Variants in MAD1L1 observed in about 807,000 individuals in gnomAD.
The protein encoded by MAD1L1 is mitotic arrest deficient 1 like 1.
In MAD1L1, 95 loss-of-function variants were observed where a neutral mutation model predicts 96.9. The ratio of observed to expected loss-of-function variants is 0.98; its 90% CI spans 0.83 to 1.16. The LOEUF is 1.16. MAD1L1 is among the 50% of genes most tolerant of loss of function. The probability of loss-of-function intolerance (pLI) is 0.00; values close to 1 mark genes in which losing one functional copy is unlikely to be tolerated. For synonymous variants in MAD1L1, 473 were observed against 396.6 expected (o/e 1.19, Z -2.29); for missense variants, 1,007 against 954.4 (o/e 1.06, Z -0.73).
intron 11 of MAD1L1, among the ~76,000 whole-genome samples, chr7:2,082,586 T>A (rs1785708718): frequency 6.6e-6 from 1 of 152,142 alleles, no homozygotes; most frequent in Non-Finnish European, 1.5e-5. Context: ...GCAGGCCAAG[T>A]GGAAGGACCA....
At chr7:2,023,691 G>A (rs1436631644) in intron 12 of MAD1L1, among the ~76,000 whole-genome samples, 4 of 152,232 alleles carry the variant, frequency 2.6e-5, no homozygotes, top group Admixed American at 2.0e-4. Flanking sequence ...GCTCACGCCT[G>A]TTATCCCAGC....
At chr7:2,192,428 G>A (rs561752598) in intron 10 of MAD1L1, among the ~76,000 whole-genome samples, 28 of 152,230 alleles carry the variant, frequency 1.8e-4, no homozygotes, top group African/African-American at 6.5e-4. Flanking sequence ...CACCACACCC[G>A]GCCAAATCTG....
chr7:1,915,778 G>A (rs1162793460), intron 17 of MAD1L1, among the ~76,000 whole-genome samples: 1 of 152,224 alleles, frequency 6.6e-6, no homozygotes, highest in African/African-American at 2.4e-5. Context: ...AGTGAGATGT[G>A]GACCTCCCCT....
At chr7:2,023,611 T>G (rs960428009) in intron 12 of MAD1L1, among the ~76,000 whole-genome samples, 9 of 152,132 alleles carry the variant, frequency 5.9e-5, no homozygotes, top group Non-Finnish European at 1.2e-4. Flanking sequence ...AGCTTCCCAT[T>G]AGGAAACTAA....
At chr7:1,867,845 C>T (rs918818643) in intron 18 of MAD1L1, among the ~76,000 whole-genome samples, 34 of 152,222 alleles carry the variant, frequency 2.2e-4, no homozygotes, top group African/African-American at 8.0e-4. Context: ...GTTGTTCCAA[C>T]GACTTATTAA....
At chr7:1,846,875 G>T in intron 18 of MAD1L1, 1 of 249,092 alleles carries the variant, frequency 4.0e-6, no homozygotes. Flanking sequence ...ATCAGCACCC[G>T]CAGCCTGTAT....
chr7:1,842,620 T>C (rs1285392647), intron 18 of MAD1L1, among the ~76,000 whole-genome samples: 1 of 152,262 alleles, frequency 6.6e-6, no homozygotes, highest in East Asian at 1.9e-4. Flanking sequence ...GCTATGCTTC[T>C]TCAGGTCCCC....
intron 11 of MAD1L1, 63 bp downstream of exon 11, chr7:2,149,089 C>T (rs1708629735): frequency 6.9e-7 from 1 of 1,455,392 alleles, no homozygotes; most frequent in South Asian, 1.2e-5. Context: ...CACACACTCT[C>T]ACTCACCCCT....
Position 1,998,198 on chromosome 7 carries a change from C to T in MAD1L1, c.1416+3867G>A, listed in dbSNP as rs532558359. Among the ~76,000 whole-genome samples, 569 of 152,298 alleles carry T rather than the reference C, an allele frequency of 3.7e-3. 4 individuals are homozygous for T. The highest frequency in any genetic ancestry group is 0.013 in the African/African-American group (560 of 41,556). ...GGAGAAGCCAGCACTCCAGGGGCGG[C>T]CACACCCACCCCACCTGAGGGCCCA... On this transcript the variant is annotated intron_variant, in intron 14 of 18. Transcript: ENST00000265854.
chr7:1,936,776 C>A lies in MAD1L1; in HGVS notation c.1718G>T (p.Gly573Val). The stretch of plus-strand genomic sequence containing the variant: ...TCCTCTCTCCATGGCGCGCAGGAGC[C>A]CGCGCAGTCGCTCGCACTCCGCCTG... ...QLQAECERLRGLLRAMERGGT... is the reference protein window; with the variant it reads ...QLQAECERLRVLLRAMERGGT... Residue 573 changes from glycine (G) to valine (V), a missense_variant, in exon 17 of 19, where the codon GGG becomes GTG. Gly to Val is a moderately radical substitution (Grantham distance 109). Coordinates refer to ENST00000265854, the MANE Select transcript of MAD1L1 (RefSeq NM_001013836.2). The A allele has an allele frequency of 6.3e-7, 1 of 1,576,686 alleles. No homozygotes were observed. Among genetic ancestry groups the A allele is most frequent in the East Asian group, 2.3e-5 (1 of 42,876 alleles).
At position 2,146,508 on chromosome 7, in the gene MAD1L1, G is replaced by C. The variant is rs985286935; in HGVS notation, c.1073+2644C>G. On this transcript the variant is annotated intron_variant, in intron 11 of 18. Transcript: ENST00000265854. The surrounding 1 kb of genome is among the most constrained non-coding windows in gnomAD (Gnocchi z 6.2). The stretch of plus-strand genomic sequence containing the variant: ...AAAGATGGACACGGCCAACATACTT[G>C]GTAAAAACTGCAGAGGAGAACATAC... Among the ~76,000 whole-genome samples the C allele has an allele frequency of 6.6e-6, 1 of 152,204 alleles. No homozygotes were observed. Among genetic ancestry groups the C allele is most frequent in the Non-Finnish European group, 1.5e-5 (1 of 68,038 alleles).
chr7:2,224,732 A>G (rs1356586736), intron 4 of MAD1L1, among the ~76,000 whole-genome samples: 1 of 152,174 alleles, frequency 6.6e-6, no homozygotes, highest in Non-Finnish European at 1.5e-5. Flanking sequence ...AAACCCTGGC[A>G]AAGTGCTGTT....
intron 16 of MAD1L1, among the ~76,000 whole-genome samples, chr7:1,953,844 C>T (rs984761661): frequency 7.2e-5 from 11 of 152,384 alleles, no homozygotes; most frequent in East Asian, 1.9e-4. Context: ...GGGGGCCCCA[C>T]GGGGCACAGG....
At chr7:1,939,326 TAC>T (rs569016510) in intron 16 of MAD1L1, among the ~76,000 whole-genome samples, 251 of 93,568 alleles carry the variant, frequency 2.7e-3, no homozygotes, top group Middle Eastern at 8.5e-3. Flanking sequence ...CACACACACA[TAC>T]ACACACACAC....
At chr7:1,844,000 T>C (rs996024493) in intron 18 of MAD1L1, among the ~76,000 whole-genome samples, 1 of 150,592 alleles carries the variant, frequency 6.6e-6, no homozygotes, top group East Asian at 1.9e-4. Context: ...AGGATGTGAG[T>C]GGGGCCGGGA....
chr7:1,977,496 C>T (rs565419043), intron 15 of MAD1L1, among the ~76,000 whole-genome samples: 1 of 152,352 alleles, frequency 6.6e-6, no homozygotes, highest in Non-Finnish European at 1.5e-5. Flanking sequence ...GCCTGCGCCT[C>T]TCCCTCCACA....
At chr7:2,159,776 T>G (rs1790014143) in intron 10 of MAD1L1, among the ~76,000 whole-genome samples, 1 of 152,176 alleles carries the variant, frequency 6.6e-6, no homozygotes, top group African/African-American at 2.4e-5. Context: ...CAATGGAACT[T>G]GTGTAAGAGG....
chr7:2,070,756 G>T (rs578073915), intron 11 of MAD1L1, among the ~76,000 whole-genome samples: 1 of 152,382 alleles, frequency 6.6e-6, no homozygotes, highest in South Asian at 2.1e-4. Context: ...GCAACCATCA[G>T]GGAGAGCCAG....
intron 10 of MAD1L1, among the ~76,000 whole-genome samples, chr7:2,210,590 C>A (rs947560950): frequency 3.3e-5 from 5 of 151,146 alleles, no homozygotes; most frequent in Non-Finnish European, 7.4e-5. Context: ...CCGTGGACTG[C>A]GGCATGAGCA....
Sources: gnomAD v4.1 joint callset for allele counts (sites outside exome capture counted in the v4.1 genomes callset) on GRCh38, gnomAD v4.1.1 for gene constraint, Gnocchi (gnomAD v3.1) non-coding constraint, MANE v1.5 for transcripts, NCBI Gene and HGNC (gene_info 2026-07-23, HGNC 2026-07-21) for gene names.